RORA: variants seen among roughly 807,000 people sequenced by gnomAD.
RORA encodes the protein nuclear receptor ROR-alpha.
RORA carries 7 observed loss-of-function variants against 69.5 expected under a neutral mutation model. The ratio of observed to expected loss-of-function variants is 0.10; its 90% CI spans 0.06 to 0.19. The LOEUF is 0.19. Ranked by LOEUF, RORA falls within the 10% of genes least tolerant of loss-of-function variation. The pLI is 1.00. For synonymous variants in RORA, 261 were observed against 240.8 expected (o/e 1.08, Z -0.78); for missense variants, 457 against 663.0 (o/e 0.69, Z 3.41).
At chr15:60,542,828 G>C (rs1242403162) in intron 2 of RORA, among the ~76,000 whole-genome samples, 1 of 150,920 alleles carries the variant, frequency 6.6e-6, no homozygotes, top group African/African-American at 2.4e-5. Context: ...TGGGCACCAA[G>C]GATACGGCAC....
chr15:61,060,706 G>A (rs2078171645), intron 1 of RORA, among the ~76,000 whole-genome samples: 1 of 152,126 alleles, frequency 6.6e-6, no homozygotes, highest in East Asian at 1.9e-4. Flanking sequence ...CTAGTGAAAG[G>A]AGAAAAATGG....
At chr15:60,591,946 C>T (rs1173484140) in intron 2 of RORA, among the ~76,000 whole-genome samples, 1 of 152,034 alleles carries the variant, frequency 6.6e-6, no homozygotes, top group African/African-American at 2.4e-5. Context: ...CACGGCCCTG[C>T]CCGGCCGCGG....
chr15:60,675,192 C>T (rs1296524313), intron 2 of RORA, among the ~76,000 whole-genome samples: 1 of 152,118 alleles, frequency 6.6e-6, no homozygotes, highest in Non-Finnish European at 1.5e-5. Context: ...ACTCGTTGTC[C>T]TTGGCAAATA....
At chr15:60,827,309 C>T (rs1385510559) in intron 1 of RORA, among the ~76,000 whole-genome samples, 1 of 152,180 alleles carries the variant, frequency 6.6e-6, no homozygotes, top group Non-Finnish European at 1.5e-5. Flanking sequence ...ACGTAAATGA[C>T]TTCAAACAAT....
chr15:60,948,415 T>C (rs912522972), intron 1 of RORA, among the ~76,000 whole-genome samples: 1 of 152,188 alleles, frequency 6.6e-6, no homozygotes, highest in African/African-American at 2.4e-5. Context: ...TAGAAGTCAC[T>C]TCTGGAAGGC....
intron 1 of RORA, among the ~76,000 whole-genome samples, chr15:60,966,820 G>A (rs1159078566): frequency 6.6e-6 from 1 of 152,196 alleles, no homozygotes; most frequent in African/African-American, 2.4e-5. Context: ...TGATTATACA[G>A]TTTAGCCAAG....
At chr15:61,102,548 C>T (rs1364473804) in intron 1 of RORA, among the ~76,000 whole-genome samples, 1 of 152,272 alleles carries the variant, frequency 6.6e-6, no homozygotes, top group Non-Finnish European at 1.5e-5. Context: ...CTTTGATATC[C>T]AATTTCCTTT....
At chr15:60,762,556 C>T (rs2071910975) in intron 1 of RORA, among the ~76,000 whole-genome samples, 1 of 152,072 alleles carries the variant, frequency 6.6e-6, no homozygotes, top group Non-Finnish European at 1.5e-5. Flanking sequence ...CACACACACA[C>T]CCACGCACAC....
chr15:60,883,743 T>A lies in RORA; in HGVS notation c.167-205057A>T, dbSNP rs1018317217. Among the ~76,000 whole-genome samples, 7 of 152,236 alleles carry A rather than the reference T, an allele frequency of 4.6e-5. No individual in the cohort carries two copies. In the South Asian group the frequency reaches 1.4e-3, roughly 32 times the overall value. On this transcript the variant is annotated intron_variant, in intron 1 of 10. Transcript: ENST00000335670. Reference sequence around the variant, plus strand: ...TTTTATAAATAGAAGATAGATTGTGTTGTTTGTGCAAAAAGTAAAGGAACA... The same window carrying A: ...TTTTATAAATAGAAGATAGATTGTGATGTTTGTGCAAAAAGTAAAGGAACA...
intron 1 of RORA, among the ~76,000 whole-genome samples, chr15:60,748,816 G>A (rs537723504): frequency 6.6e-6 from 1 of 152,262 alleles, no homozygotes; most frequent in Admixed American, 6.5e-5. Context: ...CTGTTTAAGG[G>A]GGAGATCAGT....
intron 1 of RORA, among the ~76,000 whole-genome samples, chr15:61,086,826 C>T (rs1438183750): frequency 2.0e-5 from 3 of 151,818 alleles, no homozygotes; most frequent in Non-Finnish European, 2.9e-5. Context: ...CATTTGTTTA[C>T]GTATTATCTA....
intron 2 of RORA, chr15:60,592,442 G>A: frequency 1.4e-6 from 2 of 1,419,908 alleles, no homozygotes; most frequent in South Asian, 1.5e-5. Context: ...GGAGAGCGCA[G>A]GGAGAGCGGA....
At chr15:61,205,723 T>C (rs2079935544) in intron 1 of RORA, among the ~76,000 whole-genome samples, 2 of 152,186 alleles carry the variant, frequency 1.3e-5, no homozygotes, top group Non-Finnish European at 2.9e-5. Context: ...GTCAGCTGAC[T>C]TGGCTGAACA....
At chr15:60,868,251 G>GTA (rs1461517125) in intron 1 of RORA, among the ~76,000 whole-genome samples, 1 of 152,132 alleles carries the variant, frequency 6.6e-6, no homozygotes, top group East Asian at 1.9e-4. Flanking sequence ...GTCACTGGAG[G>GTA]TATCTGTGAA....
At chr15:61,217,029 C>G (rs1380442086) in intron 1 of RORA, among the ~76,000 whole-genome samples, 1 of 152,116 alleles carries the variant, frequency 6.6e-6, no homozygotes, top group African/African-American at 2.4e-5. Flanking sequence ...GTCACACAAA[C>G]AAGTGCAGCT....
At chr15:61,206,158 T>C (rs1403203458) in intron 1 of RORA, among the ~76,000 whole-genome samples, 2 of 94,900 alleles carry the variant, frequency 2.1e-5, no homozygotes, top group African/African-American at 3.1e-5. Context: ...TATTAACTCA[T>C]TGAGGATGCA....
intron 2 of RORA, among the ~76,000 whole-genome samples, chr15:60,570,214 G>A (rs1218193481): frequency 1.3e-5 from 2 of 152,116 alleles, no homozygotes; most frequent in Non-Finnish European, 2.9e-5. Context: ...CATGAAAAAT[G>A]CCTTCCTTTC....
chr15:61,197,044 C>T (rs140482680), intron 1 of RORA, among the ~76,000 whole-genome samples: 48 of 152,306 alleles, frequency 3.2e-4, no homozygotes, highest in African/African-American at 1.1e-3. Flanking sequence ...CCCCAGGGAC[C>T]ACAGGGGAAA....
At chr15:60,636,585 A>AAAAAG (rs2069844232) in intron 2 of RORA, among the ~76,000 whole-genome samples, 1 of 152,198 alleles carries the variant, frequency 6.6e-6, no homozygotes, top group South Asian at 2.1e-4. Flanking sequence ...AAGGAAAAGG[A>AAAAAG]TGCCTACCAT....
Sources: allele counts gnomAD v4.1 joint callset (sites outside exome capture counted in the v4.1 genomes callset), GRCh38; gene constraint gnomAD v4.1.1; transcripts MANE v1.5; gene names NCBI Gene and HGNC (gene_info 2026-07-23, HGNC 2026-07-21).